Variants in AIM2 observed in about 807,000 individuals in gnomAD.
AIM2 encodes interferon-inducible protein AIM2.
A neutral mutation model predicts 27.7 loss-of-function variants in AIM2; 30 were observed. The ratio of observed to expected loss-of-function variants is 1.08; its 90% CI spans 0.81 to 1.47. AIM2 has a LOEUF of 1.47. Among genes scored for constraint, AIM2 ranks in the 40% most tolerant of loss-of-function variants. The probability of loss-of-function intolerance (pLI) is 0.00; values close to 1 mark genes in which losing one functional copy is unlikely to be tolerated. For synonymous variants in AIM2, 141 were observed against 145.3 expected (o/e 0.97, Z 0.21); for missense variants, 358 against 411.3 (o/e 0.87, Z 1.12).
At chr1:159,084,653 G>A (rs533506592) in intron 1 of AIM2, among the ~76,000 whole-genome samples, 21 of 152,114 alleles carry the variant, frequency 1.4e-4, no homozygotes, top group Middle Eastern at 3.4e-3. Context: ...CATGCCTGTA[G>A]TCCCAATTAC....
upstream of AIM2, among the ~76,000 whole-genome samples, chr1:159,141,217 AG>A (rs1395837164): frequency 4.6e-5 from 7 of 152,196 alleles, no homozygotes; most frequent in African/African-American, 1.7e-4. Context: ...CTCAGAGGAC[AG>A]TTGGACATTT....
At position 159,072,690 on chromosome 1, in the gene AIM2, A is replaced by T. The variant is rs577350315; in HGVS notation, c.262+548T>A. On this transcript the variant is annotated intron_variant, in intron 2 of 5. Transcript: ENST00000368130. ...AGATAGAGAGGAAAGAAAATCCCTG[A>T]AGGTGGATTCTCCCTCCCTTCTGAA... Among the ~76,000 whole-genome samples the T allele has an allele frequency of 2.0e-5, 3 of 152,328 alleles. No homozygotes were observed. In the East Asian group the frequency reaches 5.8e-4, roughly 29 times the overall value.
At position 159,068,594 on chromosome 1, in the gene AIM2, C is replaced by T; in HGVS notation, c.370G>A (p.Ala124Thr). ...IRNDVAKQRA[A>T]PKVSPHVKPE... ...TTAACATGAGGAGAGACTTTTGGTG[C>T]AGCACGTTGCTTTGCGACATCATTT... is the stretch of plus-strand genomic sequence containing the variant. Residue 124 changes from alanine (A) to threonine (T), a missense_variant, in exon 3 of 6, where the codon GCA (alanine) becomes ACA (threonine). By Grantham distance (58) the Ala-to-Thr change is moderately conservative. Coordinates refer to ENST00000368130, the MANE Select transcript of AIM2 (RefSeq NM_004833.3). 1 of 1,613,548 alleles carries T rather than the reference C, an allele frequency of 6.2e-7. No individual in the cohort carries two copies. The highest frequency in any genetic ancestry group is 8.5e-7 in the Non-Finnish European group (1 of 1,179,742).
intron 1 of AIM2, among the ~76,000 whole-genome samples, chr1:159,093,504 C>A (rs893098615): frequency 6.6e-6 from 1 of 152,056 alleles, no homozygotes; most frequent in Non-Finnish European, 1.5e-5. Flanking sequence ...CCAGTCCCAG[C>A]AAGACTTTTA....
upstream of AIM2, among the ~76,000 whole-genome samples, chr1:159,079,633 T>C (rs563917933): frequency 8.5e-5 from 13 of 152,264 alleles, no homozygotes; most frequent in Admixed American, 5.9e-4. Flanking sequence ...CCCTTTTCCC[T>C]CACACATGCA....
At chr1:159,117,606 T>C (rs539293687) in intron 1 of AIM2, among the ~76,000 whole-genome samples, 59 of 152,190 alleles carry the variant, frequency 3.9e-4, no homozygotes, top group African/African-American at 5.8e-4. Context: ...ATGGAAGACA[T>C]AGAAGTTCAA....
chr1:159,092,527 G>T (rs1420575541), intron 1 of AIM2, among the ~76,000 whole-genome samples: 1 of 152,182 alleles, frequency 6.6e-6, no homozygotes, highest in Non-Finnish European at 1.5e-5. Context: ...GGTAAGGTGG[G>T]AGAGGTGGGG....
chr1:159,137,497 A>G (rs780608175), intron 1 of AIM2, among the ~76,000 whole-genome samples: 8 of 152,076 alleles, frequency 5.3e-5, no homozygotes, highest in Non-Finnish European at 1.2e-4. Flanking sequence ...TCTCTACTAA[A>G]AATACAAAAA....
intron 1 of AIM2, among the ~76,000 whole-genome samples, chr1:159,101,831 T>G (rs1234480499): frequency 6.6e-6 from 1 of 152,062 alleles, no homozygotes; most frequent in Non-Finnish European, 1.5e-5. Flanking sequence ...AATTTCTAAG[T>G]GGCAAAGTGT....
chr1:159,099,236 G>T (rs1037230421), intron 1 of AIM2, among the ~76,000 whole-genome samples: 1 of 152,166 alleles, frequency 6.6e-6, no homozygotes, highest in African/African-American at 2.4e-5. Flanking sequence ...AATGGGGCAA[G>T]AGGAGACAAA....
chr1:159,088,229 G>A (rs1338451580), intron 1 of AIM2, among the ~76,000 whole-genome samples: 2 of 152,154 alleles, frequency 1.3e-5, no homozygotes, highest in South Asian at 4.2e-4. Flanking sequence ...ACTGTGAGAT[G>A]TGAGACACAG....
intron 1 of AIM2, among the ~76,000 whole-genome samples, chr1:159,092,017 G>A (rs1657057388): frequency 1.3e-5 from 2 of 151,760 alleles, no homozygotes; most frequent in Non-Finnish European, 2.9e-5. Flanking sequence ...TCAAATTAAG[G>A]AAAAAAACAA....
At chr1:159,112,926 T>C (rs1306904408) in intron 1 of AIM2, among the ~76,000 whole-genome samples, 2 of 141,728 alleles carry the variant, frequency 1.4e-5, no homozygotes, top group African/African-American at 5.8e-5. Flanking sequence ...AAACCTAATA[T>C]ATACATACAT....
upstream of AIM2, chr1:159,081,233 T>A (rs1480397859): frequency 4.9e-6 from 1 of 202,194 alleles, no homozygotes; most frequent in Non-Finnish European, 1.1e-5. Flanking sequence ...ATGAAAGAAA[T>A]CCTGTTATTT....
At chr1:159,135,818 T>A (rs925527397) in intron 1 of AIM2, among the ~76,000 whole-genome samples, 1 of 152,178 alleles carries the variant, frequency 6.6e-6, no homozygotes, top group African/African-American at 2.4e-5. Context: ...CAGCAAGGAA[T>A]TCACCCAGAA....
At position 159,110,507 on chromosome 1, in the gene AIM2, G is replaced by A. The variant is rs542782988; in HGVS notation, c.-16+29924C>T. ...TTCCTTTAGACCCTCTAGCTGTGCC[G>A]TTGGTATACCAGGGTCTATGGACCT... On this transcript the variant is annotated intron_variant, in intron 1 of 2. Transcript: ENST00000368129. Among the ~76,000 whole-genome samples, 12 of 152,196 alleles carry A rather than the reference G, an allele frequency of 7.9e-5. No homozygotes were observed. The South Asian group carries it at 1.7e-3, about 21-fold the overall frequency.
chr1:159,094,219 G>A (rs1047787401), intron 1 of AIM2, among the ~76,000 whole-genome samples: 72 of 152,150 alleles, frequency 4.7e-4, no homozygotes, highest in African/African-American at 1.3e-3. Context: ...TATTAGGTTG[G>A]TGCAAATGTA....
upstream of AIM2, among the ~76,000 whole-genome samples, chr1:159,077,714 AT>A (rs1235273435): frequency 1.3e-5 from 2 of 152,268 alleles, no homozygotes; most frequent in East Asian, 3.9e-4. Context: ...AAAAGCATAT[AT>A]ACAGTCTTTC....
intron 1 of AIM2, among the ~76,000 whole-genome samples, chr1:159,090,909 C>G (rs2102008656): frequency 6.6e-6 from 1 of 151,374 alleles, no homozygotes; most frequent in Non-Finnish European, 1.5e-5. Flanking sequence ...GTCTGAGTTT[C>G]AAAGATTCCA....
Sources: allele counts gnomAD v4.1 joint callset (sites outside exome capture counted in the v4.1 genomes callset), GRCh38; gene constraint gnomAD v4.1.1; transcripts MANE v1.5; gene names NCBI Gene and HGNC (gene_info 2026-07-23, HGNC 2026-07-21).